Variants in NTRK3 observed in about 807,000 individuals in gnomAD.
NTRK3 encodes NT-3 growth factor receptor.
Under a neutral mutation model 91.7 loss-of-function variants are expected in NTRK3, and 24 were observed. That is an observed-to-expected ratio of 0.26 (90% CI 0.19 to 0.37). The LOEUF (loss-of-function observed/expected upper bound fraction) is 0.37, where lower values mean the gene tolerates loss of function less well. NTRK3 is among the 10% of genes least tolerant of loss of function. NTRK3 has a pLI of 1.00. For missense variants in NTRK3, 880 were observed against 1,068.9 expected, an observed-to-expected ratio of 0.82 and a Z score of 2.46; for synonymous variants, 483 against 404.0, an observed-to-expected ratio of 1.20 and a Z score of -2.34.
rs1445513196 is a variant in NTRK3 at position 88,234,707 on chromosome 15, C to A, written c.248+21199G>T. Among the ~76,000 whole-genome samples the A allele has an allele frequency of 1.3e-5, 2 of 152,212 alleles. No homozygotes were observed. Among genetic ancestry groups the A allele is most frequent in the Non-Finnish European group, 2.9e-5 (2 of 68,038 alleles). ...CTTTCTCCAACACATTTATTACACCCATCACTTCAGCTGTAAGTCGAATCA... is the reference window on the plus strand; with the variant it reads ...CTTTCTCCAACACATTTATTACACCAATCACTTCAGCTGTAAGTCGAATCA... On this transcript the variant is annotated intron_variant, in intron 3 of 18. Coordinates refer to ENST00000394480, the Ensembl canonical transcript of NTRK3. This position sits in a 1 kb window ranked among gnomAD's most constrained non-coding sequence, Gnocchi z 6.1.
chr15:87,957,414 G>T (rs1218423115), intron 14 of NTRK3, among the ~76,000 whole-genome samples: 1 of 152,162 alleles, frequency 6.6e-6, no homozygotes. Flanking sequence ...TTAAGAGATT[G>T]GGCTGGACTC....
chr15:88,114,804 G>T (rs1386044287), intron 13 of NTRK3, among the ~76,000 whole-genome samples: 1 of 152,080 alleles, frequency 6.6e-6, no homozygotes, highest in Non-Finnish European at 1.5e-5. Flanking sequence ...ATACTATTAG[G>T]TTTTCTTACC....
intron 13 of NTRK3, among the ~76,000 whole-genome samples, chr15:88,052,108 T>A (rs180911605): frequency 2.6e-5 from 4 of 152,342 alleles, no homozygotes; most frequent in African/African-American, 9.6e-5. Flanking sequence ...CTATGCTGGA[T>A]GAACATAGTT....
At chr15:87,928,644 G>A (rs1389983970) in intron 17 of NTRK3, 1 of 180,246 alleles carries the variant, frequency 5.5e-6, no homozygotes, top group Admixed American at 5.4e-5. Flanking sequence ...TTCCTCATCT[G>A]TTCCAGCCCA....
At chr15:87,872,705 C>A in exon 19 of NTRK3, 1 of 232,742 alleles carries the variant, frequency 4.3e-6, no homozygotes, top group East Asian at 6.1e-5. Flanking sequence ...CTCAAATCTA[C>A]CAGTCACCAG....
intron 3 of NTRK3, among the ~76,000 whole-genome samples, chr15:88,195,552 G>A (rs2047742733): frequency 6.6e-6 from 1 of 152,242 alleles, no homozygotes; most frequent in Admixed American, 6.5e-5. Flanking sequence ...AGCAAGCTGT[G>A]CCCATGGGAT....
At chr15:88,148,510 G>A (rs1290022730) in intron 5 of NTRK3, among the ~76,000 whole-genome samples, 1 of 152,170 alleles carries the variant, frequency 6.6e-6, no homozygotes, top group Non-Finnish European at 1.5e-5. Context: ...AAAGAGCTGA[G>A]TACCAAGGGA....
intron 14 of NTRK3, among the ~76,000 whole-genome samples, chr15:87,990,307 G>C (rs2075187474): frequency 6.6e-6 from 1 of 152,152 alleles, no homozygotes. Context: ...GAAGCAGTGA[G>C]TCTAGCTCTG....
chr15:87,883,729 T>C (rs965120495), intron 17 of NTRK3, among the ~76,000 whole-genome samples: 59 of 151,320 alleles, frequency 3.9e-4, no homozygotes, highest in African/African-American at 1.4e-3. Context: ...TAAGAAACAT[T>C]TTCTGTATCA....
intron 14 of NTRK3, among the ~76,000 whole-genome samples, chr15:87,985,486 T>C (rs1044119746): frequency 6.6e-6 from 1 of 152,190 alleles, no homozygotes; most frequent in Non-Finnish European, 1.5e-5. Context: ...AATGTCCCTG[T>C]TGTATACTGT....
At chr15:87,894,083 G>C (rs1596124429) in intron 17 of NTRK3, among the ~76,000 whole-genome samples, 1 of 152,194 alleles carries the variant, frequency 6.6e-6, no homozygotes, top group African/African-American at 2.4e-5. Flanking sequence ...TTGATTCCAT[G>C]TCTATTCACA....
chr15:87,976,382 C>A (rs574859642), intron 14 of NTRK3, among the ~76,000 whole-genome samples: 2 of 152,224 alleles, frequency 1.3e-5, no homozygotes, highest in Non-Finnish European at 2.9e-5. Context: ...TGATCAACTT[C>A]CTGTCAGACT....
intron 13 of NTRK3, among the ~76,000 whole-genome samples, chr15:88,076,672 T>TAAAAAAAAAAAAAAAAAA (rs34053167): frequency 1.7e-5 from 2 of 120,410 alleles, no homozygotes; most frequent in African/African-American, 3.0e-5. Flanking sequence ...TATACATATG[T>TAAAAAAAAAAAAAAAAAA]AAAAAAAAAA....
intron 14 of NTRK3, chr15:87,978,915 G>A (rs2141341168): frequency 3.2e-6 from 1 of 314,044 alleles, no homozygotes. Context: ...GGTATCCTGG[G>A]AGAGCCAGGG....
intron 13 of NTRK3, among the ~76,000 whole-genome samples, chr15:88,089,153 G>C (rs2048779910): frequency 6.6e-6 from 1 of 151,842 alleles, no homozygotes; most frequent in South Asian, 2.1e-4. Context: ...GGGGCGGTGG[G>C]GGAGAAGATA....
intron 14 of NTRK3, chr15:87,981,107 A>G (rs1036115704): frequency 1.4e-6 from 2 of 1,465,634 alleles, no homozygotes; most frequent in Admixed American, 2.0e-5. Context: ...CTGGGCACCT[A>G]GTCGTACCTC....
intron 17 of NTRK3, among the ~76,000 whole-genome samples, chr15:87,898,325 T>C (rs1347013960): frequency 6.6e-6 from 1 of 152,164 alleles, no homozygotes; most frequent in African/African-American, 2.4e-5. Context: ...TTTTGTGGGT[T>C]TTGTAGGTTC....
intron 10 of NTRK3, 84 bp from the exon 11 acceptor site, chr15:88,128,818 T>C (rs1204687833): frequency 1.7e-6 from 2 of 1,203,138 alleles, no homozygotes; most frequent in East Asian, 2.3e-5. Context: ...AGCTATGATC[T>C]CTCCCATTCA....
At chr15:88,147,358 G>A (rs1417899959) in exon 6 of NTRK3, 2 of 1,613,764 alleles carry the variant, frequency 1.2e-6, no homozygotes, top group South Asian at 2.2e-5. Flanking sequence ...TCAGCGTCTG[G>A]AAGAGCTGCC....
Sources: allele counts gnomAD v4.1 joint callset (sites outside exome capture counted in the v4.1 genomes callset), GRCh38; gene constraint gnomAD v4.1.1; non-coding constraint Gnocchi (gnomAD v3.1); transcripts MANE v1.5; gene names NCBI Gene and HGNC (gene_info 2026-07-23, HGNC 2026-07-21).